Variants in RAB38 observed in about 807,000 individuals in gnomAD.
The protein encoded by RAB38 is ras-related protein Rab-38.
RAB38 carries 15 observed loss-of-function variants against 18.4 expected under a neutral mutation model. That is an observed-to-expected ratio of 0.82 (90% CI 0.55 to 1.26). The LOEUF (loss-of-function observed/expected upper bound fraction) is 1.26. Among genes scored for constraint, RAB38 ranks in the 50% most tolerant of loss-of-function variants. The probability of loss-of-function intolerance (pLI) is 0.00; values close to 1 mark genes in which losing one functional copy is unlikely to be tolerated. For missense variants in RAB38, 294 were observed against 267.4 expected, an observed-to-expected ratio of 1.10 and a Z score of -0.69; for synonymous variants, 101 against 104.4, an observed-to-expected ratio of 0.97 and a Z score of 0.20.
chr11:88,065,397 G>A, the RAB38 span, among the ~76,000 whole-genome samples: 5 of 152,136 alleles, frequency 3.3e-5, no homozygotes, highest in Non-Finnish European at 5.9e-5. Context: ...CCAAGATGCT[G>A]AGCTTTGAAA....
chr11:88,076,076 A>G, the RAB38 span, among the ~76,000 whole-genome samples: 11 of 151,678 alleles, frequency 7.3e-5, no homozygotes, highest in Non-Finnish European at 1.3e-4. Flanking sequence ...GTTTTGTTCC[A>G]GACTGACTAA....
At chr11:88,052,337 G>C in the RAB38 span, among the ~76,000 whole-genome samples, 2 of 152,084 alleles carry the variant, frequency 1.3e-5, no homozygotes, top group African/African-American at 2.4e-5. Flanking sequence ...TATGCTGTCC[G>C]TCCCAAAAAG....
intron 1 of RAB38, among the ~76,000 whole-genome samples, chr11:88,162,106 C>T (rs1378649490): frequency 6.6e-6 from 1 of 152,106 alleles, no homozygotes. Context: ...TGGAAACCCA[C>T]ATACTGAAAT....
At chr11:88,006,645 A>G in the RAB38 span, among the ~76,000 whole-genome samples, 2 of 138,156 alleles carry the variant, frequency 1.4e-5, no homozygotes, top group Non-Finnish European at 3.1e-5. Flanking sequence ...ATACACATAT[A>G]GACACACAGT....
At chr11:88,093,722 G>A in the RAB38 span, among the ~76,000 whole-genome samples, 1 of 151,810 alleles carries the variant, frequency 6.6e-6, no homozygotes, top group African/African-American at 2.4e-5. Context: ...ACTACTTACA[G>A]TAAAAAGCAC....
the RAB38 span, among the ~76,000 whole-genome samples, chr11:87,967,692 T>C: frequency 1.3e-5 from 2 of 152,194 alleles, no homozygotes; most frequent in Non-Finnish European, 2.9e-5. Flanking sequence ...CTGACATTCC[T>C]GCCTATCAAG....
chr11:87,972,939 G>C, the RAB38 span, among the ~76,000 whole-genome samples: 7,811 of 151,830 alleles, frequency 0.051, 254 homozygotes, highest in South Asian at 0.09. Flanking sequence ...ATTCTTATGA[G>C]ATCTGGTTGT....
At chr11:87,857,056 T>G in the RAB38 span, among the ~76,000 whole-genome samples, 1 of 151,896 alleles carries the variant, frequency 6.6e-6, no homozygotes, top group South Asian at 2.1e-4. Flanking sequence ...ATGTTCCCCT[T>G]CCCGTGTCCA....
chr11:88,062,851 A>G, the RAB38 span, among the ~76,000 whole-genome samples: 1 of 152,200 alleles, frequency 6.6e-6, no homozygotes, highest in Non-Finnish European at 1.5e-5. Flanking sequence ...TAAGAACTAT[A>G]TAGTCACAGA....
chr11:87,811,081 T>C, the RAB38 span, among the ~76,000 whole-genome samples: 1 of 152,198 alleles, frequency 6.6e-6, no homozygotes, highest in Non-Finnish European at 1.5e-5. Flanking sequence ...CTCTCCTCTT[T>C]CCCAAGATTC....
the RAB38 span, among the ~76,000 whole-genome samples, chr11:88,057,987 C>T: frequency 3.9e-5 from 6 of 152,088 alleles, no homozygotes; most frequent in Admixed American, 1.3e-4. Flanking sequence ...TTACCCGCAG[C>T]GCAAGTTCCT....
chr11:87,976,579 A>C, the RAB38 span, among the ~76,000 whole-genome samples: 1 of 94,648 alleles, frequency 1.1e-5, no homozygotes, highest in Non-Finnish European at 2.0e-5. Flanking sequence ...CAATAAATAT[A>C]TATATTTTAT....
the RAB38 span, among the ~76,000 whole-genome samples, chr11:87,836,427 A>G: frequency 6.6e-6 from 1 of 151,996 alleles, no homozygotes; most frequent in Non-Finnish European, 1.5e-5. Flanking sequence ...TTCCCCGTTC[A>G]ATTAATCATG....
At chr11:88,133,157 T>G (rs1216175446) in intron 2 of RAB38, among the ~76,000 whole-genome samples, 1 of 152,144 alleles carries the variant, frequency 6.6e-6, no homozygotes, top group South Asian at 2.1e-4. Flanking sequence ...GATTACAGTG[T>G]CCAGGTAAGA....
chr11:87,918,480 A>C, the RAB38 span, among the ~76,000 whole-genome samples: 1 of 152,124 alleles, frequency 6.6e-6, no homozygotes, highest in Non-Finnish European at 1.5e-5. Context: ...ATGATGTATT[A>C]ATTTACATTC....
At position 88,153,444 on chromosome 11, in the gene RAB38, C is replaced by A. The variant is rs1188568947; in HGVS notation, c.203-3489G>T. Among the ~76,000 whole-genome samples, 4 of 152,344 alleles carry A rather than the reference C, an allele frequency of 2.6e-5. No homozygotes were observed. In the East Asian group the frequency reaches 7.7e-4, roughly 29 times the overall value. On this transcript the variant is annotated intron_variant, in intron 1 of 2. Coordinates refer to ENST00000243662, the MANE Select transcript of RAB38 (RefSeq NM_022337.3). Reference sequence around the variant, plus strand: ...CAAAGAGGCTCCAGTATCCAACTAACACTTCTACTTCAGAGGTAGCCCTTG... The same window carrying A: ...CAAAGAGGCTCCAGTATCCAACTAAAACTTCTACTTCAGAGGTAGCCCTTG...
At chr11:88,019,081 CAT>C in the RAB38 span, among the ~76,000 whole-genome samples, 1 of 151,594 alleles carries the variant, frequency 6.6e-6, no homozygotes, top group Admixed American at 6.6e-5. Context: ...CTCTGCAATT[CAT>C]ATTTTTTTTC....
chr11:87,939,549 A>T, the RAB38 span, among the ~76,000 whole-genome samples: 1 of 152,076 alleles, frequency 6.6e-6, no homozygotes, highest in Admixed American at 6.6e-5. Flanking sequence ...AAACAGAATT[A>T]AAATGATCTT....
chr11:87,949,154 T>C, the RAB38 span, among the ~76,000 whole-genome samples: 2 of 152,238 alleles, frequency 1.3e-5, no homozygotes, highest in Non-Finnish European at 2.9e-5. Context: ...CCATTTCTTC[T>C]AGATTTTCTA....
Sources: allele counts gnomAD v4.1 joint callset (sites outside exome capture counted in the v4.1 genomes callset), GRCh38; gene constraint gnomAD v4.1.1; transcripts MANE v1.5; gene names NCBI Gene and HGNC (gene_info 2026-07-23, HGNC 2026-07-21).